CSTF3: variants seen among roughly 807,000 people sequenced by gnomAD.
CSTF3 encodes the protein CF-1 77 kDa subunit.
In CSTF3, 29 loss-of-function variants were observed where a neutral mutation model predicts 105.8. The ratio of observed to expected loss-of-function variants is 0.27; its 90% CI spans 0.20 to 0.37. The LOEUF is 0.37. Among genes scored for constraint, CSTF3 ranks in the 10% least tolerant of loss-of-function variants. The probability of loss-of-function intolerance (pLI) is 1.00; values close to 1 mark genes in which losing one functional copy is unlikely to be tolerated. For synonymous variants in CSTF3, 252 were observed against 281.9 expected (o/e 0.89, Z 1.06); for missense variants, 357 against 879.3 (o/e 0.41, Z 7.51).
intron 9 of CSTF3, among the ~76,000 whole-genome samples, 153 bp downstream of exon 9, chr11:33,102,954 A>G (rs2133776061): frequency 6.6e-6 from 1 of 152,340 alleles, no homozygotes; most frequent in African/African-American, 2.4e-5. Context: ...GAGAGATTTC[A>G]TTTCAAATAT....
At chr11:33,113,515 T>TAAAC (rs914916652) in intron 3 of CSTF3, among the ~76,000 whole-genome samples, 44 of 151,922 alleles carry the variant, frequency 2.9e-4, no homozygotes, top group African/African-American at 9.7e-4. Flanking sequence ...AGACCCTGTC[T>TAAAC]AAACAAACAA....
chr11:33,119,010 T>A (rs1360331661), intron 3 of CSTF3, among the ~76,000 whole-genome samples: 2 of 151,800 alleles, frequency 1.3e-5, no homozygotes, highest in Non-Finnish European at 3.0e-5. Flanking sequence ...TATTATAATA[T>A]CTAATCTCAC....
chr11:33,094,383 T>A (rs1855198266), intron 15 of CSTF3, among the ~76,000 whole-genome samples: 1 of 152,146 alleles, frequency 6.6e-6, no homozygotes, highest in African/African-American at 2.4e-5. Context: ...CACATTGGAT[T>A]CCCCCACAAA....
At chr11:33,146,366 T>C (rs1264696197) in intron 1 of CSTF3, among the ~76,000 whole-genome samples, 6 of 152,116 alleles carry the variant, frequency 3.9e-5, no homozygotes, top group African/African-American at 1.4e-4. Context: ...TACTAGACTA[T>C]AGTTACATAA....
intron 1 of CSTF3, among the ~76,000 whole-genome samples, chr11:33,158,126 T>C (rs975682639): frequency 5.9e-5 from 9 of 152,212 alleles, no homozygotes; most frequent in East Asian, 1.9e-4. Flanking sequence ...TAGCCATAAA[T>C]TGAAGCTCTA....
chr11:33,086,294 C>A (rs1463235394), intron 18 of CSTF3, among the ~76,000 whole-genome samples: 1 of 152,192 alleles, frequency 6.6e-6, no homozygotes, highest in Non-Finnish European at 1.5e-5. Context: ...TGTTTCAAGT[C>A]AATTATTCAA....
chr11:33,097,039 G>A lies in CSTF3; in HGVS notation c.1129-61C>T, dbSNP rs1855229548. The stretch of plus-strand genomic sequence containing the variant: ...GACAGTATGTTTCCTGCATAAGAAA[G>A]CAATCCTCAATACCCAATAAATTAG... On this transcript the variant is annotated intron_variant, in intron 13 of 20. Coordinates refer to ENST00000323959, the MANE Select transcript of CSTF3 (RefSeq NM_001326.3). 50 of 1,236,192 alleles carry A rather than the reference G, an allele frequency of 4.0e-5. 1 individual carries two copies. In the South Asian group the frequency reaches 7.2e-4, roughly 18 times the overall value. 76.6% of individuals were successfully genotyped at this position (1,236,192 alleles called of 1,614,324 possible). A position where few individuals can be genotyped will look rare whatever the true frequency, so the allele number is the denominator to read the frequency against.
intron 1 of CSTF3, among the ~76,000 whole-genome samples, chr11:33,157,714 T>C (rs1454533554): frequency 3.3e-5 from 5 of 152,204 alleles, no homozygotes; most frequent in Non-Finnish European, 7.3e-5. Context: ...ATTTTAGTAA[T>C]AAATTTAAGA....
chr11:33,129,544 T>C (rs1489461582), intron 3 of CSTF3, among the ~76,000 whole-genome samples: 7 of 152,214 alleles, frequency 4.6e-5, no homozygotes, highest in Non-Finnish European at 1.5e-5. Flanking sequence ...GTTAATACTT[T>C]GGACAATTTT....
chr11:33,091,560 AAC>A (rs1353433777), intron 16 of CSTF3, among the ~76,000 whole-genome samples: 3 of 152,244 alleles, frequency 2.0e-5, no homozygotes, highest in East Asian at 1.9e-4. Context: ...TGGTAAAACT[AAC>A]ACGAGACAAA....
chr11:33,134,325 A>T lies in CSTF3; in HGVS notation c.225+7342T>A, dbSNP rs183729041. Reference sequence around the variant, plus strand: ...TGTGATCTGCCGTGATTGGATCTTCAACTCTGATAACCTAAATAATCAAAG... The same window carrying T: ...TGTGATCTGCCGTGATTGGATCTTCTACTCTGATAACCTAAATAATCAAAG... On this transcript the variant is annotated intron_variant, in intron 3 of 20. Coordinates refer to ENST00000323959, the MANE Select transcript of CSTF3 (RefSeq NM_001326.3). 5 of 152,324 alleles carry T rather than the reference A, an allele frequency of 3.3e-5. No homozygotes were observed. In the East Asian group the frequency reaches 9.6e-4, roughly 29 times the overall value. The allele number at this position is 152,324 out of a possible 1,614,324, so 9.4% of individuals were successfully genotyped here.
At chr11:33,147,618 T>C (rs10767991) in intron 1 of CSTF3, among the ~76,000 whole-genome samples, 31,440 of 151,734 alleles carry the variant, frequency 0.21, 3,881 homozygotes, top group East Asian at 0.35. Context: ...AATTTCAGTC[T>C]TGAGATACCG....
chr11:33,150,193 C>A lies in CSTF3; in HGVS notation c.28-8207G>T, dbSNP rs183347872. 5.5e-4 allele frequency among the ~76,000 whole-genome samples: 72 copies of A among 129,882 alleles called. No individual in the cohort carries two copies. The Admixed American group carries it at 6.1e-3, about 11-fold the overall frequency. The allele number at this position is 129,882 out of a possible 152,430, so 85.2% of individuals were successfully genotyped here. The stretch of plus-strand genomic sequence containing the variant: ...TCATACCACTGCAGTCCAGCCTGGG[C>A]AACAGATGGAGACTCTGTCTCAAAC... On this transcript the variant is annotated intron_variant, in intron 1 of 20. Coordinates refer to ENST00000323959, the MANE Select transcript of CSTF3 (RefSeq NM_001326.3).
intron 1 of CSTF3, among the ~76,000 whole-genome samples, chr11:33,147,627 C>T (rs948107176): frequency 1.3e-5 from 2 of 151,468 alleles, no homozygotes; most frequent in African/African-American, 2.4e-5. Context: ...CTTGAGATAC[C>T]GACTATAAAA....
intron 3 of CSTF3, among the ~76,000 whole-genome samples, chr11:33,138,545 T>C (rs1201942737): frequency 2.6e-5 from 4 of 151,960 alleles, no homozygotes; most frequent in Middle Eastern, 6.8e-3. Flanking sequence ...AATCCAAAAA[T>C]ATACTAAACT....
At chr11:33,131,776 C>T (rs1337990377) in intron 3 of CSTF3, among the ~76,000 whole-genome samples, 1 of 152,054 alleles carries the variant, frequency 6.6e-6, no homozygotes, top group Non-Finnish European at 1.5e-5. Flanking sequence ...GGCGTGAACC[C>T]GGGAGGTGGA....
intron 1 of CSTF3, among the ~76,000 whole-genome samples, chr11:33,146,398 C>T (rs1360360682): frequency 6.6e-6 from 1 of 151,880 alleles, no homozygotes; most frequent in Non-Finnish European, 1.5e-5. Flanking sequence ...AATTAAATAA[C>T]TATGTATAGC....
intron 17 of CSTF3, among the ~76,000 whole-genome samples, chr11:33,088,231 A>T (rs1291881091): frequency 5.9e-5 from 9 of 152,148 alleles, no homozygotes; most frequent in Non-Finnish European, 1.0e-4. Flanking sequence ...TAGAAATAGA[A>T]ATACAAGATG....
At chr11:33,086,346 G>T (rs1424066104) in intron 18 of CSTF3, among the ~76,000 whole-genome samples, 2 of 152,166 alleles carry the variant, frequency 1.3e-5, no homozygotes, top group African/African-American at 4.8e-5. Flanking sequence ...AAAGAATCTA[G>T]AGAGGCTACT....
Sources: allele counts gnomAD v4.1 joint callset (sites outside exome capture counted in the v4.1 genomes callset), GRCh38; gene constraint gnomAD v4.1.1; transcripts MANE v1.5; gene names NCBI Gene and HGNC (gene_info 2026-07-23, HGNC 2026-07-21).